The following ODAD3 variants were observed in gnomAD, a reference collection of about 807,000 sequenced individuals.
The protein encoded by ODAD3 is outer dynein arm docking complex subunit 3, also known as outer dynein arm-docking complex subunit 3.
Under a neutral mutation model 70.9 loss-of-function variants are expected in ODAD3, and 57 were observed. The observed-to-expected ratio is 0.80, with a 90% CI of 0.65 to 1.00. The LOEUF (loss-of-function observed/expected upper bound fraction) is 1.00. Among genes scored for constraint, ODAD3 ranks in the 50% least tolerant of loss-of-function variants. The pLI is 0.00. For missense variants in ODAD3, 797 were observed against 763.9 expected (o/e 1.04, Z -0.51); for synonymous variants, 327 against 315.9 (o/e 1.04, Z -0.37).
chr19:11,420,693 T>A lies in ODAD3; in HGVS notation c.*142A>T. The A allele has an allele frequency of 1.5e-6, 1 of 659,730 alleles. No individual in the cohort carries two copies. The highest frequency in any genetic ancestry group is 1.8e-5 in the South Asian group (1 of 56,162). 40.9% of individuals were successfully genotyped at this position (659,730 alleles called of 1,614,324 possible). On this transcript the variant is annotated 3_prime_UTR_variant, in exon 13 of 13. Transcript: ENST00000356392. ...TGTGGGAACGTCTGGCCCGGCCCCT[T>A]CCTCCCCTCCGGGCGCCGCTGGCCG...
At chr19:11,434,352 A>T (rs1969593478) in intron 1 of ODAD3, 1 of 154,958 alleles carries the variant, frequency 6.5e-6, no homozygotes, top group Non-Finnish European at 1.4e-5. Context: ...CACCCTGGCC[A>T]ATATGGTGAA....
At position 11,421,817 on chromosome 19, in the gene ODAD3, C is replaced by T; in HGVS notation, c.1450G>A (p.Ala484Thr). Reference protein sequence around the residue: ...IHITVEDGRFAGKELDPQADN... With the variant: ...IHITVEDGRFTGKELDPQADN... ...GCCTGGGGATCCAGCTCCTTTCCCGCGAAGCGGCCGTCCTCCTGCGGCCAG... is the reference window on the plus strand; with the variant it reads ...GCCTGGGGATCCAGCTCCTTTCCCGTGAAGCGGCCGTCCTCCTGCGGCCAG... Residue 484 changes from alanine (A) to threonine (T), a missense_variant, in exon 11 of 13, where the codon GCG (alanine) becomes ACG (threonine). By Grantham distance (58) the Ala-to-Thr change is moderately conservative. Transcript: ENST00000356392. 1.2e-6 allele frequency: 2 copies of T among 1,612,492 alleles called. No homozygotes were observed. Among genetic ancestry groups the T allele is most frequent in the Middle Eastern group, 3.3e-4 (2 of 6,022 alleles).
intron 7 of ODAD3, among the ~76,000 whole-genome samples, chr19:11,425,279 A>C (rs1003315950): frequency 1.4e-5 from 2 of 140,594 alleles, no homozygotes; most frequent in Non-Finnish European, 3.0e-5. Flanking sequence ...ATATGTGTGT[A>C]TATGTACATA....
chr19:11,434,241 C>T (rs1311574232), intron 1 of ODAD3, among the ~76,000 whole-genome samples: 1 of 134,334 alleles, frequency 7.4e-6, no homozygotes, highest in South Asian at 2.3e-4. Context: ...CAAAAAAAAA[C>T]GCGGGTGCAG....
Position 11,430,903 on chromosome 19 carries a change from A to G in ODAD3, c.362T>C (p.Leu121Pro). 1 of 1,613,932 alleles carries G rather than the reference A, an allele frequency of 6.2e-7. No individual in the cohort carries two copies. Among genetic ancestry groups the G allele is most frequent in the Non-Finnish European group, 8.5e-7 (1 of 1,179,964 alleles). Reference sequence around the variant, plus strand: ...ACCCACCCCTTTGCCCCTTACCTTGAGCAGGTCCAGCAGCTTTAGTTCCAG... The same window carrying G: ...ACCCACCCCTTTGCCCCTTACCTTGGGCAGGTCCAGCAGCTTTAGTTCCAG... The part of the protein sequence containing the change: ...KALELKLLDL[L>P]KGDEKVVQAV... Residue 121 changes from leucine (L) to proline (P), a missense_variant, in exon 2 of 13, where the codon CTC becomes CCC. By Grantham distance (98) the Leu-to-Pro change is moderately conservative. Transcript: ENST00000356392.
chr19:11,421,536 A>G, intron 11 of ODAD3, 141 bp downstream of exon 11: 2 of 1,191,292 alleles, frequency 1.7e-6, no homozygotes, highest in Non-Finnish European at 2.3e-6. Context: ...TGGCTCGTCA[A>G]ACCTCGCCCG....
chr19:11,434,824 G>T lies in ODAD3; in HGVS notation c.193C>A (p.Pro65Thr), dbSNP rs1200726650. 1.2e-6 allele frequency: 2 copies of T among 1,614,026 alleles called. No homozygotes were observed. Among genetic ancestry groups the T allele is most frequent in the East Asian group, 2.2e-5 (1 of 44,894 alleles). Reference protein sequence around the residue: ...GGSFHRGAGKPSVHSQVAELH... With the variant: ...GGSFHRGAGKTSVHSQVAELH... ...TCAGCCACCTGAGAGTGCACAGAGG[G>T]CTTCCCTGCACCTCTGTGGAAGGAT... The change falls in exon 1 of 13, where the codon CCC becomes ACC. Residue 65 changes from proline (P) to threonine (T), a missense_variant. By Grantham distance (38) the Pro-to-Thr change is conservative. Transcript: ENST00000356392.
rs1360847671 is a variant in ODAD3, at chr19:11,426,680, TA to T, written c.714+2del. On this transcript the variant is annotated splice_donor_variant, in intron 5 of 12. Transcript: ENST00000356392. LOFTEE classifies it high-confidence loss of function. ...ATCTCACCCGAGCCCTCCTAGTCCC[TA>T]CCATTAGATAGGCCTTGAGCTGCAG... 4 of 1,613,694 alleles carry T rather than the reference TA, an allele frequency of 2.5e-6. No homozygotes were observed. Among genetic ancestry groups the T allele is most frequent in the Non-Finnish European group, 3.4e-6 (4 of 1,179,878 alleles).
chr19:11,421,423 C>T (rs1488205546), intron 11 of ODAD3, among the ~76,000 whole-genome samples: 1 of 152,158 alleles, frequency 6.6e-6, no homozygotes, highest in Non-Finnish European at 1.5e-5. Flanking sequence ...GGGGCCCTGC[C>T]ACTAGGCCTC....
At chr19:11,426,829 C>T in intron 4 of ODAD3, 44 bp downstream of exon 4, 1 of 1,612,998 alleles carries the variant, frequency 6.2e-7, no homozygotes, top group Non-Finnish European at 8.5e-7. Flanking sequence ...GCACTCAATC[C>T]CTCCCACACG....
chr19:11,423,285 A>C (rs1599453712), intron 8 of ODAD3, among the ~76,000 whole-genome samples: 1 of 152,108 alleles, frequency 6.6e-6, no homozygotes, highest in African/African-American at 2.4e-5. Flanking sequence ...CCATAGGTGT[A>C]CTCCTATAGG....
In ODAD3 at chr19:11,427,147, T is replaced by C. The variant is rs539697749; in HGVS notation, c.445-107A>G. The C allele has an allele frequency of 9.0e-5, 111 of 1,232,484 alleles. No individual in the cohort carries two copies. The South Asian group carries it at 1.7e-3, about 19-fold the overall frequency. The allele number at this position is 1,232,484 out of a possible 1,614,324, so 76.3% of individuals were successfully genotyped here. A position where few individuals can be genotyped will look rare whatever the true frequency, so the allele number is the denominator to read the frequency against. ...CACACTGTGGCTTCCAGGACTCCCC[T>C]CTCCCGTTTTCTACCCACCTCCCTG... On this transcript the variant is annotated intron_variant, in intron 3 of 12. Coordinates refer to ENST00000356392, the MANE Select transcript of ODAD3 (RefSeq NM_145045.5).
chr19:11,424,336 T>G (rs1233603506), intron 7 of ODAD3, among the ~76,000 whole-genome samples: 2 of 151,798 alleles, frequency 1.3e-5, no homozygotes, highest in African/African-American at 4.8e-5. Context: ...AGACCCCGTC[T>G]CTACAAAAAA....
In ODAD3 at chr19:11,426,184, G is replaced by T; in HGVS notation, c.923C>A (p.Ala308Asp). Residue 308 changes from alanine (A) to aspartate (D), a missense_variant, in exon 7 of 13, where the codon GCC becomes GAC. Transcript: ENST00000356392. ...ERYISECKKR[A>D]EEKKLENERM... ...CTCGTTCTCCAGTTTCTTCTCCTCG[G>T]CGCGCTTCTTGCACTCACTTATGTA... 6.2e-7 allele frequency: 1 copy of T among 1,613,158 alleles called. No individual in the cohort carries two copies. The highest frequency in any genetic ancestry group is 8.5e-7 in the Non-Finnish European group (1 of 1,179,792).
Position 11,420,924 on chromosome 19 carries a change from T to C in ODAD3, c.1699A>G (p.Asn567Asp). 1.9e-6 allele frequency: 3 copies of C among 1,612,618 alleles called. No individual in the cohort carries two copies. Among genetic ancestry groups the C allele is most frequent in the Non-Finnish European group, 1.7e-6 (2 of 1,179,258 alleles). ...AGTGATGCGCGGGTCACTACCTCGT[T>C]GTCCTCCTCCTCACTCTCTTCGTCT... ...FFDEESEEED[N>D]EVVTRASLKI... Residue 567 changes from asparagine (N) to aspartate (D), a missense_variant, in exon 13 of 13, where the codon AAC becomes GAC. By Grantham distance (23) the Asn-to-Asp change is conservative. Coordinates refer to ENST00000356392, the MANE Select transcript of ODAD3 (RefSeq NM_145045.5).
upstream of ODAD3, chr19:11,435,140 G>A (rs1190540350): frequency 2.8e-6 from 4 of 1,453,430 alleles, no homozygotes; most frequent in East Asian, 9.7e-5. Flanking sequence ...ACCGCTAGGT[G>A]GTTGCGCTCC....
intron 12 of ODAD3, 38 bp from the exon 13 acceptor site, chr19:11,420,985 G>T: frequency 6.3e-7 from 1 of 1,599,246 alleles, no homozygotes; most frequent in Non-Finnish European, 8.6e-7. Context: ...AGCGATGTGG[G>T]ATCCAGGTCC....
chr19:11,435,302 G>A, upstream of ODAD3: 1 of 884,786 alleles, frequency 1.1e-6, no homozygotes, highest in East Asian at 3.3e-5. Context: ...CCGCGCCGCA[G>A]GACGGAGGGT....
intron 1 of ODAD3, chr19:11,434,346 C>T (rs1001140718): frequency 1.9e-5 from 3 of 154,138 alleles, no homozygotes; most frequent in Admixed American, 1.9e-4. Flanking sequence ...TGAGACCACC[C>T]TGGCCAATAT....
Sources: gnomAD v4.1 joint callset for allele counts (sites outside exome capture counted in the v4.1 genomes callset) on GRCh38, gnomAD v4.1.1 for gene constraint, MANE v1.5 for transcripts, NCBI Gene and HGNC (gene_info 2026-07-23, HGNC 2026-07-21) for gene names.